ANXA4: variants seen among roughly 807,000 people sequenced by gnomAD.
The protein encoded by ANXA4 is annexin A4.
ANXA4 carries 39 observed loss-of-function variants against 49.8 expected under a neutral mutation model. That is an observed-to-expected ratio of 0.78 (90% CI 0.61 to 1.02). The LOEUF is 1.02. ANXA4 is among the 50% of genes least tolerant of loss of function. The pLI is 0.00. For synonymous variants in ANXA4, 134 were observed against 152.5 expected (o/e 0.88, Z 0.89); for missense variants, 360 against 410.1 (o/e 0.88, Z 1.05).
chr2:69,711,629 G>A (rs1395557680), intron 2 of ANXA4, among the ~76,000 whole-genome samples: 1 of 152,190 alleles, frequency 6.6e-6, no homozygotes, highest in Admixed American at 6.5e-5. Context: ...GAATTAAACT[G>A]AACACTTAAG....
intron 2 of ANXA4, among the ~76,000 whole-genome samples, chr2:69,698,318 T>G (rs750914228): frequency 6.6e-6 from 1 of 152,272 alleles, no homozygotes; most frequent in South Asian, 2.1e-4. Context: ...ACACAAACAT[T>G]CAGTCTATAG....
chr2:69,646,377 T>C (rs1676010014), intron 1 of ANXA4, among the ~76,000 whole-genome samples: 2 of 152,242 alleles, frequency 1.3e-5, no homozygotes, highest in South Asian at 2.1e-4. Flanking sequence ...ACTTATCTCC[T>C]TGGGCATCCA....
chr2:69,714,720 C>G (rs962384999), intron 2 of ANXA4, among the ~76,000 whole-genome samples: 1 of 152,224 alleles, frequency 6.6e-6, no homozygotes, highest in Non-Finnish European at 1.5e-5. Context: ...TGTACCCAAT[C>G]AATAGCCAGA....
chr2:69,696,056 A>G (rs1480746565), intron 2 of ANXA4, among the ~76,000 whole-genome samples: 7 of 152,170 alleles, frequency 4.6e-5, no homozygotes, highest in Non-Finnish European at 1.5e-5. Context: ...TCTTAAAATA[A>G]TACAATGAAA....
intron 2 of ANXA4, among the ~76,000 whole-genome samples, chr2:69,680,971 G>GTTGT (rs897794707): frequency 5.9e-5 from 9 of 151,844 alleles, no homozygotes; most frequent in African/African-American, 2.2e-4. Context: ...TTCTTTTTTT[G>GTTGT]TTGTTTGGTC....
intron 2 of ANXA4, among the ~76,000 whole-genome samples, chr2:69,670,233 A>G (rs774680707): frequency 1.9e-4 from 29 of 152,114 alleles, no homozygotes; most frequent in Non-Finnish European, 3.8e-4. Context: ...AGAAGTCAAG[A>G]GATCAAGACC....
At chr2:69,648,571 C>T (rs1415588702) in intron 1 of ANXA4, among the ~76,000 whole-genome samples, 1 of 152,146 alleles carries the variant, frequency 6.6e-6, no homozygotes, top group Non-Finnish European at 1.5e-5. Context: ...TGCCCGTAAT[C>T]CCAACACTTT....
chr2:69,671,676 T>C (rs914846534), intron 2 of ANXA4, among the ~76,000 whole-genome samples: 9 of 152,166 alleles, frequency 5.9e-5, no homozygotes, highest in African/African-American at 1.4e-4. Flanking sequence ...TAAGCTGAGA[T>C]TGCGCCACTG....
intron 1 of ANXA4, among the ~76,000 whole-genome samples, chr2:69,764,491 G>A (rs537204806): frequency 6.6e-6 from 1 of 152,270 alleles, no homozygotes; most frequent in East Asian, 1.9e-4. Flanking sequence ...CTTAGAGTGG[G>A]CGTTGCTAAG....
chr2:69,670,530 A>G (rs1249462835), intron 2 of ANXA4, among the ~76,000 whole-genome samples: 1 of 152,008 alleles, frequency 6.6e-6, no homozygotes, highest in Non-Finnish European at 1.5e-5. Flanking sequence ...GGTCACCCTA[A>G]TTATAAAGCT....
intron 2 of ANXA4, among the ~76,000 whole-genome samples, chr2:69,697,272 C>T (rs1678188447): frequency 6.6e-6 from 1 of 152,200 alleles, no homozygotes; most frequent in African/African-American, 2.4e-5. Context: ...GGCTTCTTGC[C>T]TTAAATCTCA....
Position 69,779,388 on chromosome 2 carries a change from G to A in ANXA4, c.-46-2132G>A, listed in dbSNP as rs567902668. Among the ~76,000 whole-genome samples, 29 of 152,278 alleles carry A rather than the reference G, an allele frequency of 1.9e-4. No homozygotes were observed. The East Asian group carries it at 4.1e-3, about 21-fold the overall frequency. On this transcript the variant is annotated intron_variant, in intron 1 of 12. Coordinates refer to ENST00000394295, the MANE Select transcript of ANXA4 (RefSeq NM_001153.5). ...TATCTCTATCAGTGCCTGGAGAGGT[G>A]CTGTGAGAGGTCATGTAGGAACATT...
intron 2 of ANXA4, among the ~76,000 whole-genome samples, chr2:69,678,588 G>T (rs1677490321): frequency 6.6e-6 from 1 of 151,484 alleles, no homozygotes; most frequent in South Asian, 2.1e-4. Flanking sequence ...GTAGAGACTG[G>T]GTTTTGCCAT....
chr2:69,732,046 T>A lies in ANXA4; in HGVS notation n.864+11175T>A, dbSNP rs189125834. Among the ~76,000 whole-genome samples, 1,258 of 142,676 alleles carry A rather than the reference T, an allele frequency of 8.8e-3. 6 individuals carry two copies. The highest frequency in any genetic ancestry group is 0.016 in the Admixed American group (225 of 14,000). 93.6% of individuals were successfully genotyped at this position (142,676 alleles called of 152,430 possible). A position where few individuals can be genotyped will look rare whatever the true frequency, so the allele number is the denominator to read the frequency against. Reference sequence around the variant, plus strand: ...CCCAGGCTGGAGTGCAGTGGCACGATCTCGACTCACTGCAAACTCCTCCTG... The same window carrying A: ...CCCAGGCTGGAGTGCAGTGGCACGAACTCGACTCACTGCAAACTCCTCCTG... On this transcript the variant is annotated intron_variant and non_coding_transcript_variant, in intron 3 of 3. Coordinates refer to the ANXA4 transcript ENST00000418066.
intron 3 of ANXA4, among the ~76,000 whole-genome samples, chr2:69,724,836 T>A (rs150322630): frequency 6.6e-6 from 1 of 151,238 alleles, no homozygotes; most frequent in African/African-American, 2.4e-5. Flanking sequence ...CTAGATGGCG[T>A]CCTCGCCTAA....
chr2:69,752,064 A>G (rs1249837032), intron 1 of ANXA4, among the ~76,000 whole-genome samples: 1 of 152,180 alleles, frequency 6.6e-6, no homozygotes, highest in African/African-American at 2.4e-5. Context: ...GTGGTCACAG[A>G]AGGCTTCCTG....
chr2:69,691,396 T>C (rs778954824), intron 2 of ANXA4, among the ~76,000 whole-genome samples: 105 of 152,244 alleles, frequency 6.9e-4, no homozygotes, highest in Non-Finnish European at 1.1e-3. Flanking sequence ...ATTACAGGGA[T>C]GAGCCACTGC....
intron 1 of ANXA4, among the ~76,000 whole-genome samples, chr2:69,749,274 G>T (rs1045250355): frequency 1.3e-5 from 2 of 152,042 alleles, no homozygotes; most frequent in Admixed American, 1.3e-4. Flanking sequence ...TCCTTTTTTG[G>T]TAGGTCCAGA....
intron 3 of ANXA4, among the ~76,000 whole-genome samples, chr2:69,728,159 T>C (rs113156518): frequency 3.3e-5 from 5 of 152,224 alleles, no homozygotes; most frequent in Non-Finnish European, 7.3e-5. Context: ...ACTGTACTGT[T>C]ACTATTTTAT....
Sources: allele counts gnomAD v4.1 joint callset (sites outside exome capture counted in the v4.1 genomes callset), GRCh38; gene constraint gnomAD v4.1.1; transcripts MANE v1.5; gene names NCBI Gene and HGNC (gene_info 2026-07-23, HGNC 2026-07-21).